The following DNAJB1 variants were observed in gnomAD, a reference collection of about 807,000 sequenced individuals.
The protein encoded by DNAJB1 is dnaJ homolog subfamily B member 1.
A neutral mutation model predicts 24.0 loss-of-function variants in DNAJB1; 14 were observed. That is an observed-to-expected ratio of 0.58 (90% CI 0.39 to 0.91). DNAJB1 has a LOEUF of 0.91. Among genes scored for constraint, DNAJB1 ranks in the 40% least tolerant of loss-of-function variants. The pLI is 0.00. For synonymous variants in DNAJB1, 262 were observed against 174.4 expected (o/e 1.50, Z -3.96); for missense variants, 517 against 458.1 (o/e 1.13, Z -1.17).
Position 14,516,662 on chromosome 19 carries a change from T to C in DNAJB1, c.596A>G (p.Asn199Ser). 3.1e-6 allele frequency: 5 copies of C among 1,614,224 alleles called. No homozygotes were observed. The highest frequency in any genetic ancestry group is 1.3e-5 in the African/African-American group (1 of 75,066). Residue 199 changes from asparagine (N) to serine (S), a missense_variant, in exon 2 of 3, where the codon AAC becomes AGC. Asn to Ser is a conservative substitution (Grantham distance 46). Transcript: ENST00000254322. ...TTCGATGGTCAATATTTTGTCTTCG[T>C]TTCGAATGCTCTTTCCGTCGGGGTT... ...RLNPDGKSIRNEDKILTIEVK... is the reference protein window; with the variant it reads ...RLNPDGKSIRSEDKILTIEVK...
At chr19:14,517,729 A>G (rs74182230) in intron 1 of DNAJB1, 28,667 of 167,768 alleles carry the variant, frequency 0.17, 2,899 homozygotes, top group African/African-American at 0.28. Flanking sequence ...TGCATTCACA[A>G]CCCCTCGCCC....
rs535906257 is a variant in DNAJB1, at chr19:14,545,274, C to T, written c.-214+4934G>A. The T allele has an allele frequency of 1.2e-4, 54 of 451,864 alleles. 1 individual carries two copies. The highest frequency in any genetic ancestry group is 5.2e-4 in the South Asian group (33 of 64,046). The allele number at this position is 451,864 out of a possible 1,614,324, so 28.0% of individuals were successfully genotyped here. On this transcript the variant is annotated intron_variant, in intron 1 of 3. Coordinates refer to the DNAJB1 transcript ENST00000676982. ...TCTGTTCCAGCCTCCGGGTGTCACC[C>T]GCTTCCCCAAAGCTCTGTGCTACCC...
upstream of DNAJB1, among the ~76,000 whole-genome samples, chr19:14,550,736 A>G (rs916834866): frequency 2.6e-5 from 4 of 152,102 alleles, no homozygotes; most frequent in Admixed American, 6.5e-5. Context: ...GCAGCAGTAT[A>G]GTGGCGTGAT....
upstream of DNAJB1, chr19:14,531,198 C>T (rs1419921346): frequency 6.6e-6 from 1 of 151,958 alleles, no homozygotes; most frequent in Non-Finnish European, 1.5e-5. Context: ...CCATGCCCGG[C>T]TAATTTTTTG....
At chr19:14,534,960 G>A (rs945266693) in intron 1 of DNAJB1, among the ~76,000 whole-genome samples, 2 of 152,292 alleles carry the variant, frequency 1.3e-5, no homozygotes, top group Admixed American at 6.5e-5. Context: ...GTGTTCTGAG[G>A]ACAGAGCATC....
intron 2 of DNAJB1, among the ~76,000 whole-genome samples, chr19:14,525,049 C>A (rs1266495867): frequency 6.6e-6 from 1 of 151,972 alleles, no homozygotes; most frequent in African/African-American, 2.4e-5. Context: ...TCCTGACCAA[C>A]ATGGTGAAAT....
intron 1 of DNAJB1, among the ~76,000 whole-genome samples, chr19:14,558,225 T>G (rs2146619910): frequency 6.6e-6 from 1 of 152,264 alleles, no homozygotes; most frequent in South Asian, 2.1e-4. Context: ...TTCTCTGGGT[T>G]GTTCACCCAC....
intron 2 of DNAJB1, among the ~76,000 whole-genome samples, chr19:14,523,620 G>GC (rs1212527343): frequency 3.4e-5 from 4 of 116,372 alleles, no homozygotes; most frequent in Admixed American, 1.8e-4. Flanking sequence ...CCTTGTTTTT[G>GC]TTTTTTTTTT....
intron 1 of DNAJB1, among the ~76,000 whole-genome samples, chr19:14,555,705 T>C (rs998097021): frequency 6.6e-5 from 10 of 152,274 alleles, no homozygotes; most frequent in African/African-American, 2.2e-4. Flanking sequence ...CCTCCCAAAG[T>C]GCTTGGATTA....
At chr19:14,525,928 C>T (rs1322591525) in intron 2 of DNAJB1, among the ~76,000 whole-genome samples, 2 of 152,106 alleles carry the variant, frequency 1.3e-5, no homozygotes, top group African/African-American at 2.4e-5. Context: ...TTGTCTAGTC[C>T]CAGCTTCACC....
In DNAJB1 at chr19:14,516,692, C is replaced by T. The variant is rs1017362665; in HGVS notation, c.566G>A (p.Arg189Gln). The T allele has an allele frequency of 3.1e-6, 5 of 1,613,984 alleles. No individual in the cohort carries two copies. Among genetic ancestry groups the T allele is most frequent in the Non-Finnish European group, 4.2e-6 (5 of 1,180,032 alleles). ...AATGCTCTTTCCGTCGGGGTTTAGC[C>T]GCTTGTGGGAGATTTTCATCTTCTT... is the stretch of plus-strand genomic sequence containing the variant. ...CTKKMKISHK[R>Q]LNPDGKSIRN... Residue 189 changes from arginine to glutamine, a missense_variant, in exon 2 of 3, where the codon CGG becomes CAG. Arg to Gln is a conservative substitution (Grantham distance 43). Transcript: ENST00000254322.
rs752435719 is a variant in DNAJB1 at position 14,516,446 on chromosome 19, C to A, written c.792+20G>T. 6.2e-7 allele frequency: 1 copy of A among 1,604,892 alleles called. No homozygotes were observed. Among genetic ancestry groups the A allele is most frequent in the Admixed American group, 1.7e-5 (1 of 59,246 alleles). On this transcript the variant is annotated intron_variant, in intron 2 of 2. Transcript: ENST00000254322. Reference sequence around the variant, plus strand: ...AGCAGCCATCGCCCTCTACAGACACCGCCCCACCTGGCACCTTACCTCCCG... The same window carrying A: ...AGCAGCCATCGCCCTCTACAGACACAGCCCCACCTGGCACCTTACCTCCCG...
chr19:14,549,101 G>T (rs1024898267), intron 1 of DNAJB1, among the ~76,000 whole-genome samples: 1 of 151,586 alleles, frequency 6.6e-6, no homozygotes, highest in African/African-American at 2.4e-5. Flanking sequence ...TTTTTAGTCG[G>T]TTCAAAAGCC....
At position 14,516,054 on chromosome 19, in the gene DNAJB1, G is replaced by A. The variant is rs1568379170; in HGVS notation, c.909C>T (p.Pro303=). 1 of 1,613,608 alleles carries A rather than the reference G, an allele frequency of 6.2e-7. No individual in the cohort carries two copies. Among genetic ancestry groups the A allele is most frequent in the Non-Finnish European group, 8.5e-7 (1 of 1,179,814 alleles). ...MRRKVPGEGL[P]LPKTPEKRGD... ...CACGTTTCTCGGGTGTTTTGGGGAG[G>A]GGGAGGCCTTCTCCAGGAACTTTTC... Residue 303 remains proline, a synonymous_variant, in exon 3 of 3, where the codon CCC becomes CCT. Transcript: ENST00000254322.
chr19:14,541,116 G>A (rs1441071268), intron 1 of DNAJB1, among the ~76,000 whole-genome samples: 1 of 152,162 alleles, frequency 6.6e-6, no homozygotes, highest in East Asian at 1.9e-4. Context: ...GTGAGCCACT[G>A]TTCCCGGCCA....
chr19:14,525,911 C>G (rs993336015), intron 2 of DNAJB1, among the ~76,000 whole-genome samples: 1 of 152,110 alleles, frequency 6.6e-6, no homozygotes, highest in African/African-American at 2.4e-5. Context: ...TGCTAACGAG[C>G]CCTGGCTTGT....
At chr19:14,544,353 A>G (rs1449079432) in intron 1 of DNAJB1, among the ~76,000 whole-genome samples, 2 of 152,040 alleles carry the variant, frequency 1.3e-5, no homozygotes, top group African/African-American at 4.8e-5. Flanking sequence ...TACTTGTGGA[A>G]CGAGTATGTG....
upstream of DNAJB1, among the ~76,000 whole-genome samples, chr19:14,550,759 C>T (rs1382299517): frequency 6.6e-6 from 1 of 152,124 alleles, no homozygotes; most frequent in South Asian, 2.1e-4. Context: ...CAGCTCACTG[C>T]AACCTTCACC....
intron 1 of DNAJB1, chr19:14,517,449 A>T (rs190861836): frequency 0.06 from 10,371 of 171,658 alleles, 358 homozygotes; most frequent in Non-Finnish European, 0.072. Context: ...AAAAAAAACA[A>T]AAATAAATAG....
Sources: allele counts gnomAD v4.1 joint callset (sites outside exome capture counted in the v4.1 genomes callset), GRCh38; gene constraint gnomAD v4.1.1; transcripts MANE v1.5; gene names NCBI Gene and HGNC (gene_info 2026-07-23, HGNC 2026-07-21).